Variants in RGS6 observed in about 807,000 individuals in gnomAD.
The protein encoded by RGS6 is regulator of G protein signaling 6.
RGS6 carries 30 observed loss-of-function variants against 78.5 expected under a neutral mutation model. The ratio of observed to expected loss-of-function variants is 0.38; its 90% CI spans 0.29 to 0.52. The LOEUF (loss-of-function observed/expected upper bound fraction) is 0.52, where lower values mean the gene tolerates loss of function less well. Among genes scored for constraint, RGS6 ranks in the 20% least tolerant of loss-of-function variants. RGS6 has a pLI of 0.85. For synonymous variants in RGS6, 206 were observed against 206.0 expected, an observed-to-expected ratio of 1.00 and a Z score of 0.00; for missense variants, 495 against 609.7, an observed-to-expected ratio of 0.81 and a Z score of 1.98.
At chr14:71,925,201 C>T in the RGS6 span, among the ~76,000 whole-genome samples, 6 of 152,050 alleles carry the variant, frequency 3.9e-5, no homozygotes, top group African/African-American at 1.4e-4. Flanking sequence ...ATGGGTTGGC[C>T]ATTTTTACGT....
chr14:71,923,022 A>C, the RGS6 span, among the ~76,000 whole-genome samples: 2 of 152,222 alleles, frequency 1.3e-5, no homozygotes, highest in South Asian at 2.1e-4. Flanking sequence ...TGGCAGGACT[A>C]AGGAGAACAG....
At chr14:72,400,535 A>T (rs2092258962) in intron 3 of RGS6, among the ~76,000 whole-genome samples, 1 of 152,202 alleles carries the variant, frequency 6.6e-6, no homozygotes, top group African/African-American at 2.4e-5. Context: ...CTATCGATGG[A>T]ACAGACAAGA....
At chr14:72,096,618 C>T (rs1301437281) in intron 2 of RGS6, among the ~76,000 whole-genome samples, 1 of 152,128 alleles carries the variant, frequency 6.6e-6, no homozygotes, top group Non-Finnish European at 1.5e-5. Flanking sequence ...TCACTGGGGT[C>T]TCTTATGCCC....
the RGS6 span, among the ~76,000 whole-genome samples, chr14:71,888,344 G>C: frequency 4.0e-3 from 614 of 151,870 alleles, 4 homozygotes; most frequent in Non-Finnish European, 5.8e-3. Flanking sequence ...CTTGAACCCA[G>C]GAGGTGGAGG....
chr14:71,973,054 C>T (rs377514673), intron 2 of RGS6, among the ~76,000 whole-genome samples: 1 of 152,172 alleles, frequency 6.6e-6, no homozygotes, highest in South Asian at 2.1e-4. Flanking sequence ...GGCTGCCCCA[C>T]TCCACTAGCT....
At position 72,548,348 on chromosome 14, in the gene RGS6, C is replaced by T. The variant is rs201895417; in HGVS notation, c.1422+8254C>T. 1.4e-3 allele frequency among the ~76,000 whole-genome samples: 178 copies of T among 129,554 alleles called. 2 individuals are homozygous for T. The highest frequency in any genetic ancestry group is 2.5e-3 in the East Asian group (10 of 4,048). 85.0% of individuals were successfully genotyped at this position (129,554 alleles called of 152,430 possible). A position where few individuals can be genotyped will look rare whatever the true frequency, so the allele number is the denominator to read the frequency against. On this transcript the variant is annotated intron_variant, in intron 17 of 17. Coordinates refer to ENST00000553525, the MANE Select transcript of RGS6 (RefSeq NM_001204424.2). ...ATATTTGTGTGTGTGTGTGTGCGCGCGTGTGTGTGTGTGTGTGTGTGTGTT... is the reference window on the plus strand; with the variant it reads ...ATATTTGTGTGTGTGTGTGTGCGCGTGTGTGTGTGTGTGTGTGTGTGTGTT...
At chr14:72,146,295 A>G (rs1453915310) in intron 2 of RGS6, among the ~76,000 whole-genome samples, 1 of 152,204 alleles carries the variant, frequency 6.6e-6, no homozygotes, top group Non-Finnish European at 1.5e-5. Flanking sequence ...TTAAGTTTCC[A>G]ACTCATGAAC....
At chr14:71,966,070 C>T (rs1162410262) in intron 2 of RGS6, among the ~76,000 whole-genome samples, 1 of 152,110 alleles carries the variant, frequency 6.6e-6, no homozygotes, top group East Asian at 1.9e-4. Flanking sequence ...GACATAATTG[C>T]TTCTTATTGT....
chr14:72,324,409 A>T (rs2073108849), intron 2 of RGS6, among the ~76,000 whole-genome samples: 1 of 152,090 alleles, frequency 6.6e-6, no homozygotes, highest in Admixed American at 6.6e-5. Context: ...CACAACGTGC[A>T]TGTTTGTTAC....
chr14:72,072,133 C>G (rs1262072667), intron 2 of RGS6, among the ~76,000 whole-genome samples: 2 of 152,210 alleles, frequency 1.3e-5, no homozygotes, highest in East Asian at 3.9e-4. Context: ...CGGGCAGGTG[C>G]TGTTGTTAAG....
At chr14:72,231,505 G>A (rs1017269051) in intron 2 of RGS6, among the ~76,000 whole-genome samples, 2 of 152,120 alleles carry the variant, frequency 1.3e-5, no homozygotes, top group African/African-American at 2.4e-5. Context: ...CTGCCTTCAT[G>A]GGGCTTAATT....
chr14:72,241,551 T>C (rs2052835866), intron 2 of RGS6, among the ~76,000 whole-genome samples: 1 of 152,248 alleles, frequency 6.6e-6, no homozygotes, highest in African/African-American at 2.4e-5. Context: ...TCCTTTCAGA[T>C]GCTTTTCCAA....
At chr14:72,218,691 A>C (rs2046168699) in intron 2 of RGS6, among the ~76,000 whole-genome samples, 1 of 152,080 alleles carries the variant, frequency 6.6e-6, no homozygotes, top group Admixed American at 6.6e-5. Context: ...AGCTCACTGC[A>C]ACCTCTACCT....
At chr14:72,592,924 G>T in the RGS6 span, among the ~76,000 whole-genome samples, 1 of 152,248 alleles carries the variant, frequency 6.6e-6, no homozygotes, top group Non-Finnish European at 1.5e-5. Context: ...AGGGATGCCT[G>T]AGAGTGTCCC....
chr14:72,597,257 A>C, the RGS6 span, among the ~76,000 whole-genome samples: 4 of 125,820 alleles, frequency 3.2e-5, no homozygotes, highest in African/African-American at 1.1e-4. Flanking sequence ...AGAAAGAGAG[A>C]GATAGTTGTG....
chr14:72,622,962 A>T, the RGS6 span, among the ~76,000 whole-genome samples: 1 of 152,198 alleles, frequency 6.6e-6, no homozygotes, highest in Non-Finnish European at 1.5e-5. Flanking sequence ...TCAATAAGGG[A>T]ATGGTTGGAT....
At chr14:72,454,636 C>A in intron 4 of RGS6, 58 bp downstream of exon 4, 1 of 1,465,400 alleles carries the variant, frequency 6.8e-7, no homozygotes, top group Admixed American at 1.8e-5. Flanking sequence ...ATCCCATAAC[C>A]AAGTTCCAAA....
intron 2 of RGS6, among the ~76,000 whole-genome samples, chr14:72,141,035 G>A (rs1453811672): frequency 6.6e-6 from 1 of 152,300 alleles, no homozygotes; most frequent in East Asian, 1.9e-4. Context: ...GTGCATGTGG[G>A]CCATATTTTC....
chr14:72,204,885 C>G (rs1177278895), intron 2 of RGS6, among the ~76,000 whole-genome samples: 1 of 152,140 alleles, frequency 6.6e-6, no homozygotes, highest in Non-Finnish European at 1.5e-5. Flanking sequence ...GGAGCACCCC[C>G]AAGTTTCTAC....
Sources: allele counts gnomAD v4.1 joint callset (sites outside exome capture counted in the v4.1 genomes callset), GRCh38; gene constraint gnomAD v4.1.1; transcripts MANE v1.5; gene names NCBI Gene and HGNC (gene_info 2026-07-23, HGNC 2026-07-21).